CSRNP2: variants seen among roughly 807,000 people sequenced by gnomAD.
The protein encoded by CSRNP2 is cysteine and serine rich nuclear protein 2, also known as cysteine/serine-rich nuclear protein 2.
Under a neutral mutation model 36.6 loss-of-function variants are expected in CSRNP2, and 11 were observed. That is an observed-to-expected ratio of 0.30 (90% CI 0.19 to 0.50). The LOEUF (loss-of-function observed/expected upper bound fraction) is 0.50. Ranked by LOEUF, CSRNP2 falls within the 20% of genes least tolerant of loss-of-function variation. The pLI is 0.98. For missense variants in CSRNP2, 483 were observed against 691.4 expected, an observed-to-expected ratio of 0.70 and a Z score of 3.38; for synonymous variants, 248 against 275.3, an observed-to-expected ratio of 0.90 and a Z score of 0.98.
rs1239709482 is a variant in CSRNP2, at chr12:51,067,496, C to T, written c.708+177G>A. ...AGCTAGGATTAGAGGTGTGAGCCAC[C>T]ATGCCTGGCCGTGTGCTGTTTGCTT... On this transcript the variant is annotated intron_variant, in intron 4 of 4. Coordinates refer to ENST00000228515, the MANE Select transcript of CSRNP2 (RefSeq NM_030809.3). The surrounding 1 kb of genome is among the most constrained non-coding windows in gnomAD (Gnocchi z 4.1). 6.6e-6 allele frequency among the ~76,000 whole-genome samples: 1 copy of T among 152,168 alleles called. No homozygotes were observed. The highest frequency in any genetic ancestry group is 2.4e-5 in the African/African-American group (1 of 41,440).
intron 1 of CSRNP2, among the ~76,000 whole-genome samples, chr12:51,080,312 CT>C (rs1340968477): frequency 6.6e-6 from 1 of 152,028 alleles, no homozygotes; most frequent in African/African-American, 2.4e-5. Context: ...CCCATATGAA[CT>C]TGGGTCTGAT....
In CSRNP2 at chr12:51,063,547, G is replaced by T; in HGVS notation, c.*199C>A. ...TTTCTTTGCCCCAAGACTATCCCCA[G>T]ATCAAGGTAGGGCTGGTCTCCTTGG... On this transcript the variant is annotated 3_prime_UTR_variant, in exon 5 of 5. Transcript: ENST00000228515. 3 of 432,642 alleles carry T rather than the reference G, an allele frequency of 6.9e-6. No homozygotes were observed. The highest frequency in any genetic ancestry group is 1.2e-5 in the Non-Finnish European group (3 of 246,474). 26.8% of individuals were successfully genotyped at this position (432,642 alleles called of 1,614,324 possible).
intron 3 of CSRNP2, among the ~76,000 whole-genome samples, chr12:51,071,932 G>A (rs1939177919): frequency 6.6e-6 from 1 of 152,150 alleles, no homozygotes. Context: ...AAGCCTGAAT[G>A]TCATTCTAGA....
intron 1 of CSRNP2, among the ~76,000 whole-genome samples, chr12:51,079,517 C>T (rs961056595): frequency 6.6e-5 from 10 of 151,400 alleles, no homozygotes; most frequent in African/African-American, 2.2e-4. Context: ...CATCCCAGCA[C>T]TTTGGGAGGC....
At chr12:51,075,349 T>C (rs1485187929) in intron 2 of CSRNP2, among the ~76,000 whole-genome samples, 1 of 152,076 alleles carries the variant, frequency 6.6e-6, no homozygotes, top group African/African-American at 2.4e-5. Flanking sequence ...TGAGTTCAAG[T>C]GATCCACCCA....
chr12:51,082,120 G>T (rs1279542997), intron 1 of CSRNP2, among the ~76,000 whole-genome samples: 1 of 152,168 alleles, frequency 6.6e-6, no homozygotes, highest in Non-Finnish European at 1.5e-5. Context: ...CCATAAACCT[G>T]AATAAAATGA....
At chr12:51,072,288 G>A (rs916692559) in intron 3 of CSRNP2, among the ~76,000 whole-genome samples, 8 of 152,042 alleles carry the variant, frequency 5.3e-5, no homozygotes, top group Non-Finnish European at 8.8e-5. Context: ...GGCCAAGTGC[G>A]GTGGCTCACG....
chr12:51,071,987 T>C (rs11835513), intron 3 of CSRNP2, among the ~76,000 whole-genome samples: 4,143 of 152,180 alleles, frequency 0.027, 201 homozygotes, highest in African/African-American at 0.095. Flanking sequence ...CTGAGGGAAG[T>C]AGACATACAG....
At chr12:51,081,842 AC>A in intron 1 of CSRNP2, among the ~76,000 whole-genome samples, 1 of 150,332 alleles carries the variant, frequency 6.7e-6, no homozygotes, top group African/African-American at 2.5e-5. Context: ...ACAAACAACA[AC>A]AACAACAAAA....
Position 51,073,813 on chromosome 12 carries a change from A to T in CSRNP2, c.411+10T>A, listed in dbSNP as rs11169696. 9 of 1,612,194 alleles carry T rather than the reference A, an allele frequency of 5.6e-6. No homozygotes were observed. The African/African-American group carries it at 1.2e-4, about 22-fold the overall frequency. ...CATGGACAGCAGTAGATCCCAGAAC[A>T]CTTAGGCACCTTCATTTTCTTGGCA... On this transcript the variant is annotated intron_variant, in intron 3 of 4. Transcript: ENST00000228515.
chr12:51,073,942 G>C lies in CSRNP2; in HGVS notation c.292C>G (p.Arg98Gly). The C allele has an allele frequency of 6.2e-7, 1 of 1,614,076 alleles. No individual in the cohort carries two copies. The highest frequency in any genetic ancestry group is 8.5e-7 in the Non-Finnish European group (1 of 1,180,016). ...QGGSSLGMAQ[R>G]HNSVRSYTLC... is the part of the protein sequence containing the mutation. ...GTATAGCTCCGTACAGAGTTATGGC[G>C]CTGGGCCATGCCCAGAGAGCTACCA... is the stretch of plus-strand genomic sequence containing the variant. The change falls in exon 3 of 5, where the codon CGC becomes GGC. Residue 98 changes from arginine to glycine, a missense_variant. Arg to Gly is a moderately radical substitution (Grantham distance 125). Transcript: ENST00000228515.
chr12:51,075,656 C>A (rs901628738), intron 2 of CSRNP2, among the ~76,000 whole-genome samples: 1 of 152,200 alleles, frequency 6.6e-6, no homozygotes, highest in African/African-American at 2.4e-5. Flanking sequence ...ATGGGTATAA[C>A]TGTGTTCCAA....
chr12:51,066,036 G>C (rs1938208102), intron 4 of CSRNP2, among the ~76,000 whole-genome samples: 1 of 152,138 alleles, frequency 6.6e-6, no homozygotes. Context: ...GGGCCAACAA[G>C]GGGCCAGGCA....
At chr12:51,066,789 A>G (rs906088520) in intron 4 of CSRNP2, among the ~76,000 whole-genome samples, 12 of 152,178 alleles carry the variant, frequency 7.9e-5, no homozygotes, top group African/African-American at 2.9e-4. Context: ...GGTACTGAAC[A>G]ATAAGTGTTT....
In CSRNP2 at chr12:51,063,961, A is replaced by G; in HGVS notation, c.1417T>C (p.Ser473Pro). The change falls in exon 5 of 5, where the codon TCA becomes CCA. Residue 473 changes from serine to proline, a missense_variant. Physicochemically the swap from Ser to Pro is moderately conservative, Grantham distance 74. Around this residue, in one of 2 missense-constraint regions of CSRNP2, gnomAD observed 277 missense variants for 323.6 expected, o/e 0.86. Transcript: ENST00000228515. ...AGGGTGGGTGTTTTCCCCACCTCTG[A>G]TTTACAGAGGGCAGCTGGGTCTGTG... is the stretch of plus-strand genomic sequence containing the variant. ...SSTDPAALCK[S>P]EVGKTPTLEA... is the part of the protein sequence containing the mutation. 2 of 1,613,036 alleles carry G rather than the reference A, an allele frequency of 1.2e-6. No homozygotes were observed. Among genetic ancestry groups the G allele is most frequent in the African/African-American group, 1.3e-5 (1 of 75,002 alleles).
chr12:51,063,786 G>GGCCGAT lies in CSRNP2; in HGVS notation c.1586_1591dup (p.Arg530_Pro531insHisArg). The GGCCGAT allele has an allele frequency of 6.3e-7, 1 of 1,593,414 alleles. No individual in the cohort carries two copies. The highest frequency in any genetic ancestry group is 1.1e-5 in the South Asian group (1 of 88,568). On this transcript the variant is annotated inframe_insertion, in exon 5 of 5. Coordinates refer to ENST00000228515, the MANE Select transcript of CSRNP2 (RefSeq NM_030809.3). ...GAGTTCTAAGGAAGAATCTTCAGGG[G>GGCCGAT]GCCGATCCTCATTCTGCTGGGAGGT...
intron 3 of CSRNP2, among the ~76,000 whole-genome samples, chr12:51,069,697 T>C (rs1186244649): frequency 6.7e-6 from 1 of 148,822 alleles, no homozygotes; most frequent in Non-Finnish European, 1.5e-5. Flanking sequence ...TTTTTCTTTT[T>C]TTTCTTTTTT....
At chr12:51,068,067 A>G in intron 3 of CSRNP2, 98 bp from the exon 4 acceptor site, 1 of 1,154,640 alleles carries the variant, frequency 8.7e-7, no homozygotes, top group East Asian at 2.4e-5. Context: ...ACCTTCTGCA[A>G]TCATGGGAAT....
chr12:51,067,589 T>C lies in CSRNP2; in HGVS notation c.708+84A>G. 1 of 1,347,622 alleles carries C rather than the reference T, an allele frequency of 7.4e-7. No individual in the cohort carries two copies. Among genetic ancestry groups the C allele is most frequent in the Non-Finnish European group, 1.0e-6 (1 of 963,328 alleles). The allele number at this position is 1,347,622 out of a possible 1,614,324, so 83.5% of individuals were successfully genotyped here. On this transcript the variant is annotated intron_variant, in intron 4 of 4. Transcript: ENST00000228515. This position sits in a 1 kb window ranked among gnomAD's most constrained non-coding sequence, Gnocchi z 4.1. The stretch of plus-strand genomic sequence containing the variant: ...CAACCATAGGGAATCCACCCCTGAA[T>C]GGGCCTCCCATGTTCAGTGGCACCC...
Sources: gnomAD v4.1 joint callset for allele counts (sites outside exome capture counted in the v4.1 genomes callset) on GRCh38, gnomAD v4.1.1 for gene constraint, gnomAD v4.1.1 regional missense constraint, Gnocchi (gnomAD v3.1) non-coding constraint, MANE v1.5 for transcripts, NCBI Gene and HGNC (gene_info 2026-07-23, HGNC 2026-07-21) for gene names.